DLGAP2: variants seen among roughly 807,000 people sequenced by gnomAD.
DLGAP2 encodes DLG associated protein 2.
Under a neutral mutation model 100.3 loss-of-function variants are expected in DLGAP2, and 26 were observed. The observed-to-expected ratio is 0.26, with a 90% CI of 0.19 to 0.36. The LOEUF (loss-of-function observed/expected upper bound fraction) is 0.36, where lower values mean the gene tolerates loss of function less well. Ranked by LOEUF, DLGAP2 falls within the 10% of genes least tolerant of loss-of-function variation. The pLI is 1.00. For missense variants in DLGAP2, 1,858 were observed against 1,453.2 expected, an observed-to-expected ratio of 1.28 and a Z score of -4.53; for synonymous variants, 886 against 630.1, an observed-to-expected ratio of 1.41 and a Z score of -6.08.
At chr8:1,121,715 C>G (rs1334308827) in intron 2 of DLGAP2, among the ~76,000 whole-genome samples, 1 of 85,124 alleles carries the variant, frequency 1.2e-5, no homozygotes, top group Non-Finnish European at 3.6e-5. Flanking sequence ...ACCACCCATC[C>G]TTGTCCCTTT....
Position 816,943 on chromosome 8 carries a change from A to G in DLGAP2, c.18+79118A>G, listed in dbSNP as rs192198220. On this transcript the variant is annotated intron_variant, in intron 1 of 14. Coordinates refer to ENST00000637795, the MANE Select transcript of DLGAP2 (RefSeq NM_001346810.2). ...ATCACAAGGTCAGGAGATCGAGACT[A>G]TCCTGACTAACACGGTGAAACCCTG... 3.1e-3 allele frequency among the ~76,000 whole-genome samples: 474 copies of G among 152,310 alleles called. 4 individuals carry two copies. The highest frequency in any genetic ancestry group is 0.01 in the African/African-American group (433 of 41,572).
At chr8:1,142,666 T>A (rs930120304) in intron 2 of DLGAP2, among the ~76,000 whole-genome samples, 2 of 151,986 alleles carry the variant, frequency 1.3e-5, no homozygotes, top group African/African-American at 4.8e-5. Context: ...TAACAGCTGT[T>A]CCGTTGGCCG....
At chr8:1,343,117 C>T (rs1459363469) in intron 3 of DLGAP2, among the ~76,000 whole-genome samples, 2 of 152,286 alleles carry the variant, frequency 1.3e-5, no homozygotes, top group Non-Finnish European at 2.9e-5. Flanking sequence ...TAATTATTCA[C>T]CAAGCGTGCA....
intron 2 of DLGAP2, among the ~76,000 whole-genome samples, chr8:1,020,815 T>C (rs756620036): frequency 3.3e-5 from 5 of 152,202 alleles, no homozygotes; most frequent in African/African-American, 4.8e-5. Flanking sequence ...ACCCAGGCTT[T>C]ACGGCTCCAG....
In DLGAP2 at chr8:1,011,185, C is replaced by G. The variant is rs367614232; in HGVS notation, c.73+103219C>G. 4.0e-5 allele frequency among the ~76,000 whole-genome samples: 6 copies of G among 150,698 alleles called. 1 individual carries two copies. Among genetic ancestry groups the G allele is most frequent in the Admixed American group, 1.3e-4 (2 of 15,250 alleles). On this transcript the variant is annotated intron_variant, in intron 2 of 14. Transcript: ENST00000637795. ...GGGGTCTTAGTCTACACAGTGAGCC[C>G]TGGAATGAGGGGTCTCAGTCTGCAC... is the stretch of plus-strand genomic sequence containing the variant.
intron 1 of DLGAP2, among the ~76,000 whole-genome samples, chr8:817,538 T>G (rs1459954577): frequency 1.3e-5 from 2 of 152,184 alleles, no homozygotes; most frequent in African/African-American, 4.8e-5. Flanking sequence ...GTAAATAACC[T>G]TGTTTTATCC....
At chr8:1,072,675 C>A (rs1803471012) in intron 2 of DLGAP2, among the ~76,000 whole-genome samples, 1 of 152,206 alleles carries the variant, frequency 6.6e-6, no homozygotes, top group Admixed American at 6.5e-5. Context: ...TGTTCACCAT[C>A]ATGCTCTCCT....
At chr8:1,232,937 C>T (rs1238677743) in intron 2 of DLGAP2, among the ~76,000 whole-genome samples, 1 of 152,180 alleles carries the variant, frequency 6.6e-6, no homozygotes, top group East Asian at 1.9e-4. Flanking sequence ...ATTCTAGGCC[C>T]ACCCCCTGCC....
In DLGAP2 at chr8:1,632,973, C is replaced by G. The variant is rs766958693; in HGVS notation, c.1737C>G (p.Gly579=). ...SHSYLRAIQA[G]YSQDDECIPM... ...GCTACCTTCGAGCCATTCAAGCCGG[C>G]TACTCCCAAGATGACGAATGTATTC... is the stretch of plus-strand genomic sequence containing the variant. Residue 579 remains glycine, a synonymous_variant, in exon 8 of 15, where the codon GGC becomes GGG. Transcript: ENST00000637795. The G allele has an allele frequency of 5.6e-6, 9 of 1,613,890 alleles. No homozygotes were observed. The highest frequency in any genetic ancestry group is 6.8e-6 in the Non-Finnish European group (8 of 1,179,908).
chr8:824,014 C>T (rs550976073), intron 1 of DLGAP2, among the ~76,000 whole-genome samples: 6 of 150,116 alleles, frequency 4.0e-5, no homozygotes, highest in African/African-American at 7.3e-5. Context: ...GATCCTGGGA[C>T]AACATTTCTT....
chr8:1,491,506 G>A (rs1799388019), intron 3 of DLGAP2, among the ~76,000 whole-genome samples: 1 of 152,210 alleles, frequency 6.6e-6, no homozygotes. Context: ...TTTGTAAAAT[G>A]CCCTTCACTC....
At chr8:883,380 G>C (rs1797850816) in intron 1 of DLGAP2, 1 of 152,156 alleles carries the variant, frequency 6.6e-6, no homozygotes, top group African/African-American at 2.4e-5. Flanking sequence ...CCTAGGGACA[G>C]TTGTGAAGCT....
At chr8:745,298 C>T (rs1183631817) in intron 1 of DLGAP2, among the ~76,000 whole-genome samples, 1 of 152,188 alleles carries the variant, frequency 6.6e-6, no homozygotes, top group Non-Finnish European at 1.5e-5. Context: ...TTTGCATAAA[C>T]AATTGAGAAT....
At chr8:1,287,612 T>G (rs1444960368) in intron 3 of DLGAP2, among the ~76,000 whole-genome samples, 4 of 88,274 alleles carry the variant, frequency 4.5e-5, no homozygotes, top group African/African-American at 1.0e-4. Context: ...GTGGTTCTGT[T>G]AGGGGAACTA....
At chr8:999,838 C>G (rs888618872) in intron 2 of DLGAP2, among the ~76,000 whole-genome samples, 1 of 152,180 alleles carries the variant, frequency 6.6e-6, no homozygotes, top group African/African-American at 2.4e-5. Context: ...TTTTTCATCT[C>G]TTTTATTATC....
chr8:766,820 G>C (rs181426291), intron 1 of DLGAP2, among the ~76,000 whole-genome samples: 1 of 152,086 alleles, frequency 6.6e-6, no homozygotes, highest in African/African-American at 2.4e-5. Context: ...CCTGAGGCTC[G>C]GCCAAAAGTG....
intron 4 of DLGAP2, among the ~76,000 whole-genome samples, chr8:1,544,241 A>G (rs987976507): frequency 2.0e-5 from 3 of 152,106 alleles, no homozygotes; most frequent in African/African-American, 7.2e-5. Flanking sequence ...CAGGGACTTT[A>G]TTCTTTTAGA....
intron 2 of DLGAP2, among the ~76,000 whole-genome samples, chr8:1,031,073 TGCCTGGCG>T (rs1801958188): frequency 6.6e-6 from 1 of 152,246 alleles, no homozygotes; most frequent in Non-Finnish European, 1.5e-5. Flanking sequence ...TCCCAGAGCC[TGCCTGGCG>T]TCTGCGGGAG....
chr8:888,343 C>T (rs1332133601), intron 1 of DLGAP2, among the ~76,000 whole-genome samples: 2 of 152,140 alleles, frequency 1.3e-5, no homozygotes, highest in Non-Finnish European at 2.9e-5. Context: ...TTTAGCTCAT[C>T]GTAGTTTTTT....
Sources: gnomAD v4.1 joint callset for allele counts (sites outside exome capture counted in the v4.1 genomes callset) on GRCh38, gnomAD v4.1.1 for gene constraint, MANE v1.5 for transcripts, NCBI Gene and HGNC (gene_info 2026-07-23, HGNC 2026-07-21) for gene names.